The following UNKL variants were observed in gnomAD, a reference collection of about 807,000 sequenced individuals.
UNKL encodes putative E3 ubiquitin-protein ligase UNKL.
Under a neutral mutation model 78.0 loss-of-function variants are expected in UNKL, and 60 were observed. The ratio of observed to expected loss-of-function variants is 0.77; its 90% CI spans 0.63 to 0.95. UNKL has a LOEUF of 0.95. Among genes scored for constraint, UNKL ranks in the 40% least tolerant of loss-of-function variants. The pLI, the probability that UNKL is intolerant of heterozygous loss-of-function variation, is 0.00. For missense variants in UNKL, 1,159 were observed against 1,045.7 expected, an observed-to-expected ratio of 1.11 and a Z score of -1.49; for synonymous variants, 608 against 474.8, an observed-to-expected ratio of 1.28 and a Z score of -3.65.
At chr16:1,367,975 C>T in intron 12 of UNKL, 117 bp from the exon 13 acceptor site, 2 of 939,556 alleles carry the variant, frequency 2.1e-6, no homozygotes, top group East Asian at 2.6e-5. Context: ...GGCTCACCTG[C>T]CCTGGCAGCA....
chr16:1,390,222 G>A (rs1359145264), intron 9 of UNKL, among the ~76,000 whole-genome samples: 1 of 152,116 alleles, frequency 6.6e-6, no homozygotes, highest in African/African-American at 2.4e-5. Flanking sequence ...TCCTGACCTC[G>A]TGATCCGCCC....
chr16:1,383,722 G>T (rs1274680683), intron 10 of UNKL: 1 of 403,558 alleles, frequency 2.5e-6, no homozygotes, highest in African/African-American at 2.0e-5. Flanking sequence ...AGTCATTGCG[G>T]GTCTGGCCGC....
intron 12 of UNKL, among the ~76,000 whole-genome samples, chr16:1,369,210 C>T (rs1230676399): frequency 6.6e-6 from 1 of 151,894 alleles, no homozygotes; most frequent in Non-Finnish European, 1.5e-5. Flanking sequence ...GCTGGGATTA[C>T]AGGCATGTGC....
chr16:1,372,401 C>CA (rs1437187834), intron 10 of UNKL, among the ~76,000 whole-genome samples: 1 of 152,226 alleles, frequency 6.6e-6, no homozygotes, highest in Non-Finnish European at 1.5e-5. Flanking sequence ...GGACCCGCCT[C>CA]AGAGTGGCCT....
Position 1,366,132 on chromosome 16 carries a change from G to C in UNKL, c.*108C>G. ...TAACGTGTAACAGGAAGGGCTCCCA[G>C]CCTCGGTCCTCACGTCGGTGGCACC... On this transcript the variant is annotated 3_prime_UTR_variant, in exon 15 of 15. Transcript: ENST00000389221. 1.5e-6 allele frequency: 2 copies of C among 1,313,956 alleles called. No individual in the cohort carries two copies. Among genetic ancestry groups the C allele is most frequent in the Non-Finnish European group, 2.0e-6 (2 of 1,007,206 alleles). The allele number at this position is 1,313,956 out of a possible 1,614,324, so 81.4% of individuals were successfully genotyped here.
chr16:1,402,123 A>G (rs184956811), intron 3 of UNKL, among the ~76,000 whole-genome samples: 3 of 152,176 alleles, frequency 2.0e-5, no homozygotes, highest in South Asian at 4.1e-4. Context: ...GCCCCAGACC[A>G]TGTGCTGAGT....
At chr16:1,402,426 G>A (rs2037567777) in intron 3 of UNKL, among the ~76,000 whole-genome samples, 1 of 152,046 alleles carries the variant, frequency 6.6e-6, no homozygotes, top group Non-Finnish European at 1.5e-5. Flanking sequence ...ATTTCAGGAG[G>A]CCGAGGCGGG....
intron 2 of UNKL, among the ~76,000 whole-genome samples, chr16:1,407,633 T>C (rs899029403): frequency 5.3e-5 from 8 of 150,354 alleles, no homozygotes; most frequent in South Asian, 2.1e-4. Context: ...GAGGTTGAGG[T>C]TGCACTGAGC....
chr16:1,402,001 G>A (rs975823333), intron 3 of UNKL, among the ~76,000 whole-genome samples: 10 of 152,314 alleles, frequency 6.6e-5, no homozygotes, highest in East Asian at 5.8e-4. Flanking sequence ...GGGCTCAAGC[G>A]ATCCTCCCAC....
chr16:1,366,228 T>C lies in UNKL; in HGVS notation c.*12A>G. The C allele has an allele frequency of 6.6e-7, 1 of 1,517,362 alleles. No individual in the cohort carries two copies. The highest frequency in any genetic ancestry group is 8.9e-7 in the Non-Finnish European group (1 of 1,126,158). 94.0% of individuals were successfully genotyped at this position (1,517,362 alleles called of 1,614,324 possible). On this transcript the variant is annotated 3_prime_UTR_variant, in exon 15 of 15. Transcript: ENST00000389221. Reference sequence around the variant, plus strand: ...CAGGGTGCCCAGCAGGAGGTGGCTGTCCCCGCTGAGGTCACCACTGCAGGG... The same window carrying C: ...CAGGGTGCCCAGCAGGAGGTGGCTGCCCCCGCTGAGGTCACCACTGCAGGG...
At position 1,399,593 on chromosome 16, in the gene UNKL, T is replaced by C; in HGVS notation, c.599-84A>G. 6.5e-7 allele frequency: 1 copy of C among 1,531,042 alleles called. No homozygotes were observed. The highest frequency in any genetic ancestry group is 8.8e-7 in the Non-Finnish European group (1 of 1,142,354). 94.8% of individuals were successfully genotyped at this position (1,531,042 alleles called of 1,614,324 possible). A position where few individuals can be genotyped will look rare whatever the true frequency, so the allele number is the denominator to read the frequency against. On this transcript the variant is annotated intron_variant, in intron 4 of 14. Transcript: ENST00000389221. This position sits in a 1 kb window ranked among gnomAD's most constrained non-coding sequence, Gnocchi z 5.8. ...GAGACCAAAGGTGGAAGGACCTGGC[T>C]GTCCCCCAAATGGAAGGGGCTGCAG...
chr16:1,399,906 A>G lies in UNKL; in HGVS notation c.599-397T>C, dbSNP rs2037442864. Among the ~76,000 whole-genome samples, 1 of 151,696 alleles carries G rather than the reference A, an allele frequency of 6.6e-6. No individual in the cohort carries two copies. The highest frequency in any genetic ancestry group is 1.5e-5 in the Non-Finnish European group (1 of 67,982). On this transcript the variant is annotated intron_variant, in intron 4 of 14. Coordinates refer to ENST00000389221, the MANE Select transcript of UNKL (RefSeq NM_001372107.1). The surrounding 1 kb of genome is among the most constrained non-coding windows in gnomAD (Gnocchi z 5.8). Reference sequence around the variant, plus strand: ...AATATGCTAAAATCCAGAGACATGCACACCCCGAAATGCCGCATGGTGAGC... The same window carrying G: ...AATATGCTAAAATCCAGAGACATGCGCACCCCGAAATGCCGCATGGTGAGC...
At chr16:1,405,789 G>C (rs1023322010) in intron 2 of UNKL, 7 of 354,094 alleles carry the variant, frequency 2.0e-5, no homozygotes, top group African/African-American at 1.5e-4. Flanking sequence ...ATTACACCCA[G>C]CACATGGGCA....
rs1331612957 is a variant in UNKL at position 1,364,578 on chromosome 16, T to G, written c.*1662A>C. 6.6e-6 allele frequency: 1 copy of G among 152,268 alleles called. No homozygotes were observed. The highest frequency in any genetic ancestry group is 6.5e-5 in the Admixed American group (1 of 15,284). 9.4% of individuals were successfully genotyped at this position (152,268 alleles called of 1,614,324 possible). ...CAGAAGGGTCAGGTCATCGCGGGGA[T>G]GCGTTCTCAGTCACGTTTCTGCTGC... On this transcript the variant is annotated 3_prime_UTR_variant, in exon 15 of 15. Transcript: ENST00000389221.
rs1338728136 is a variant in UNKL, at chr16:1,366,198, G to A, written c.*42C>T. 1.4e-6 allele frequency: 2 copies of A among 1,465,282 alleles called. No homozygotes were observed. Among genetic ancestry groups the A allele is most frequent in the South Asian group, 1.4e-5 (1 of 73,724 alleles). 90.8% of individuals were successfully genotyped at this position (1,465,282 alleles called of 1,614,324 possible). The stretch of plus-strand genomic sequence containing the variant: ...CATGTCCGTGGTCAGGAGGAGCGCT[G>A]GAGCCAGGGTGCCCAGCAGGAGGTG... On this transcript the variant is annotated 3_prime_UTR_variant, in exon 15 of 15. Coordinates refer to ENST00000389221, the MANE Select transcript of UNKL (RefSeq NM_001372107.1).
chr16:1,377,068 G>C (rs1030578976), intron 10 of UNKL, among the ~76,000 whole-genome samples: 5 of 151,988 alleles, frequency 3.3e-5, no homozygotes, highest in African/African-American at 1.2e-4. Context: ...TGTCACCCAG[G>C]CTGGAGTGCA....
At chr16:1,386,877 C>T (rs1197755489) in intron 9 of UNKL, among the ~76,000 whole-genome samples, 4 of 152,142 alleles carry the variant, frequency 2.6e-5, no homozygotes, top group Non-Finnish European at 5.9e-5. Flanking sequence ...TGAAAACAGT[C>T]CCCTCCAGCT....
In UNKL at chr16:1,367,182, C is replaced by T; in HGVS notation, c.1956G>A (p.Leu652=). Residue 652 remains leucine, a synonymous_variant, in exon 14 of 15, where the codon CTG becomes CTA. Coordinates refer to ENST00000389221, the MANE Select transcript of UNKL (RefSeq NM_001372107.1). The stretch of plus-strand genomic sequence containing the variant: ...TGGTGCCGATGTCCCCACAGCCCCG[C>T]AGCCCCGGCAGTGTGGAGGCTACGC... ...GLGVASTLPG[L]RGCGDIGTIP... 3.7e-6 allele frequency: 6 copies of T among 1,606,014 alleles called. No individual in the cohort carries two copies. The highest frequency in any genetic ancestry group is 5.1e-6 in the Non-Finnish European group (6 of 1,178,170).
At chr16:1,379,423 G>C in intron 10 of UNKL, 1 of 957,546 alleles carries the variant, frequency 1.0e-6, no homozygotes, top group Non-Finnish European at 1.2e-6. Context: ...GCGAGCGCCC[G>C]GCAGAGGCAG....
Sources: allele counts gnomAD v4.1 joint callset (sites outside exome capture counted in the v4.1 genomes callset), GRCh38; gene constraint gnomAD v4.1.1; non-coding constraint Gnocchi (gnomAD v3.1); transcripts MANE v1.5; gene names NCBI Gene and HGNC (gene_info 2026-07-23, HGNC 2026-07-21).